DOCK3: variants seen among roughly 807,000 people sequenced by gnomAD.
DOCK3 encodes dedicator of cytokinesis protein 3.
In DOCK3, 60 loss-of-function variants were observed where a neutral mutation model predicts 265.6. The observed-to-expected ratio is 0.23, with a 90% confidence interval of 0.18 to 0.28. DOCK3 has a LOEUF of 0.28. Ranked by LOEUF, DOCK3 falls within the 10% of genes least tolerant of loss-of-function variation. The probability of loss-of-function intolerance (pLI) is 1.00; values close to 1 mark genes in which losing one functional copy is unlikely to be tolerated. For synonymous variants in DOCK3, 881 were observed against 938.0 expected, an observed-to-expected ratio of 0.94 and a Z score of 1.11; for missense variants, 1,981 against 2,594.3, an observed-to-expected ratio of 0.76 and a Z score of 5.14.
At chr3:50,995,864 C>T (rs2078261741) in intron 5 of DOCK3, among the ~76,000 whole-genome samples, 1 of 152,078 alleles carries the variant, frequency 6.6e-6, no homozygotes, top group Non-Finnish European at 1.5e-5. Context: ...TTTATTTAGC[C>T]ACTTATTCTG....
rs969094170 is a variant in DOCK3, at chr3:51,146,725, A to G, written c.828+95A>G. The G allele has an allele frequency of 3.2e-5, 36 of 1,111,332 alleles. No individual in the cohort carries two copies. The Admixed American group carries it at 3.8e-4, about 12-fold the overall frequency. The allele number at this position is 1,111,332 out of a possible 1,614,324, so 68.8% of individuals were successfully genotyped here. ...ACCCTGGAAACAAGCATTTAGTCTTATTTCCATATACACTGGGGAGAATAG... is the reference window on the plus strand; with the variant it reads ...ACCCTGGAAACAAGCATTTAGTCTTGTTTCCATATACACTGGGGAGAATAG... On this transcript the variant is annotated intron_variant, in intron 10 of 52. Coordinates refer to ENST00000266037, the MANE Select transcript of DOCK3 (RefSeq NM_004947.5).
chr3:50,939,653 G>T (rs2051587549), intron 5 of DOCK3, among the ~76,000 whole-genome samples: 1 of 152,048 alleles, frequency 6.6e-6, no homozygotes, highest in Non-Finnish European at 1.5e-5. Context: ...GTTGATTCAG[G>T]AAAGTATTTT....
chr3:51,346,194 G>A (rs576632337), intron 38 of DOCK3, among the ~76,000 whole-genome samples: 6 of 152,194 alleles, frequency 3.9e-5, no homozygotes, highest in Non-Finnish European at 8.8e-5. Flanking sequence ...ACAATGTGCA[G>A]GTTTGTTACA....
chr3:51,138,230 C>T (rs1467886527), intron 9 of DOCK3, among the ~76,000 whole-genome samples: 2 of 152,076 alleles, frequency 1.3e-5, no homozygotes, highest in Admixed American at 6.6e-5. Context: ...ATCATGGGAA[C>T]ATTGGATAGA....
chr3:51,156,020 A>C (rs1318638964), intron 10 of DOCK3, among the ~76,000 whole-genome samples: 1 of 152,144 alleles, frequency 6.6e-6, no homozygotes, highest in African/African-American at 2.4e-5. Flanking sequence ...ATATTTATTT[A>C]TACTCTTCTA....
At chr3:51,261,293 C>G (rs552683547) in intron 23 of DOCK3, among the ~76,000 whole-genome samples, 1 of 152,120 alleles carries the variant, frequency 6.6e-6, no homozygotes, top group South Asian at 2.1e-4. Context: ...GGCGTCGCCT[C>G]ACCTTGGAAG....
intron 27 of DOCK3, among the ~76,000 whole-genome samples, chr3:51,287,389 A>T (rs1262637479): frequency 6.6e-6 from 1 of 152,218 alleles, no homozygotes; most frequent in South Asian, 2.1e-4. Flanking sequence ...TCTTGACAAA[A>T]AAAATAAAAT....
chr3:51,047,911 G>A (rs1240035382), intron 5 of DOCK3, among the ~76,000 whole-genome samples: 5 of 151,970 alleles, frequency 3.3e-5, no homozygotes, highest in African/African-American at 9.7e-5. Flanking sequence ...TATTACCAAA[G>A]CGAGACAAAG....
intron 4 of DOCK3, among the ~76,000 whole-genome samples, chr3:50,928,216 A>G (rs756593639): frequency 6.6e-6 from 1 of 151,232 alleles, no homozygotes; most frequent in East Asian, 1.9e-4. Flanking sequence ...TACATTCACA[A>G]TGTTGTGCAG....
intron 32 of DOCK3, among the ~76,000 whole-genome samples, chr3:51,315,579 G>A (rs1249781451): frequency 6.6e-6 from 1 of 152,096 alleles, no homozygotes; most frequent in Non-Finnish European, 1.5e-5. Flanking sequence ...CAGGCCCCTT[G>A]GCTTCCAACT....
intron 3 of DOCK3, among the ~76,000 whole-genome samples, chr3:50,847,320 A>G (rs2675780): frequency 0.98 from 149,211 of 152,296 alleles, 73,181 homozygotes; most frequent in Middle Eastern, 1. Flanking sequence ...TTTTTATTCC[A>G]TTGTGACCTG....
At chr3:50,889,460 GTTTT>G (rs566025782) in intron 3 of DOCK3, among the ~76,000 whole-genome samples, 1 of 140,036 alleles carries the variant, frequency 7.1e-6, no homozygotes. Flanking sequence ...AACTGATGTG[GTTTT>G]TTTTTTTTTT....
At position 50,970,889 on chromosome 3, in the gene DOCK3, TTTTATATATATATATATA is replaced by T. The variant is rs1490536180; in HGVS notation, c.315+36814_315+36831del. 2.7e-3 allele frequency among the ~76,000 whole-genome samples: 118 copies of T among 42,928 alleles called. 6 individuals carry two copies. Among genetic ancestry groups the T allele is most frequent in the East Asian group, 6.3e-3 (7 of 1,114 alleles). The allele number at this position is 42,928 out of a possible 152,430, so 28.2% of individuals were successfully genotyped here. ...GCACATACTACCACACTCATCTAAT[TTTTATATATATATATATA>T]TATATATATATATATATATATATAT... is the stretch of plus-strand genomic sequence containing the variant. On this transcript the variant is annotated intron_variant, in intron 5 of 52. Coordinates refer to ENST00000266037, the MANE Select transcript of DOCK3 (RefSeq NM_004947.5).
rs185149714 is a variant in DOCK3, at chr3:50,715,263, G to A, written c.37+39963G>A. ...GAGTTGGGGCTTGAAAAATGAGTAGGTAGGCCAGGCGTGGTGGCGGCTCAT... is the reference window on the plus strand; with the variant it reads ...GAGTTGGGGCTTGAAAAATGAGTAGATAGGCCAGGCGTGGTGGCGGCTCAT... On this transcript the variant is annotated intron_variant, in intron 1 of 52. Coordinates refer to ENST00000266037, the MANE Select transcript of DOCK3 (RefSeq NM_004947.5). 2.8e-3 allele frequency among the ~76,000 whole-genome samples: 421 copies of A among 152,284 alleles called. 6 individuals are homozygous for A. Among genetic ancestry groups the A allele is most frequent in the African/African-American group, 9.2e-3 (384 of 41,564 alleles).
chr3:50,905,990 C>T (rs1299976181), intron 4 of DOCK3, among the ~76,000 whole-genome samples: 1 of 152,008 alleles, frequency 6.6e-6, no homozygotes, highest in Non-Finnish European at 1.5e-5. Flanking sequence ...TGAATTTTGT[C>T]AAAGGCCTTT....
At chr3:50,832,314 T>C (rs1407337633) in intron 2 of DOCK3, among the ~76,000 whole-genome samples, 1 of 152,192 alleles carries the variant, frequency 6.6e-6, no homozygotes, top group Non-Finnish European at 1.5e-5. Flanking sequence ...AAAGACTTCA[T>C]GACTAAAACA....
intron 1 of DOCK3, among the ~76,000 whole-genome samples, chr3:50,698,517 G>GTTTTTTTTTTTTTTGTTTT (rs2035797789): frequency 5.1e-5 from 1 of 19,506 alleles, no homozygotes; most frequent in Non-Finnish European, 1.2e-4. Context: ...TATGTTTTTG[G>GTTTTTTTTTTTTTTGTTTT]TTTTTTTTTT....
At chr3:50,711,928 A>G (rs956111215) in intron 1 of DOCK3, among the ~76,000 whole-genome samples, 2 of 152,062 alleles carry the variant, frequency 1.3e-5, no homozygotes, top group African/African-American at 2.4e-5. Context: ...GAATTTGTCC[A>G]TTTCACGTAA....
chr3:50,930,531 C>T (rs953976597), intron 4 of DOCK3, among the ~76,000 whole-genome samples: 3 of 152,218 alleles, frequency 2.0e-5, no homozygotes, highest in Admixed American at 6.5e-5. Flanking sequence ...CACTCCCTCA[C>T]AGCCTGGGCC....
Sources: gnomAD v4.1 joint callset for allele counts (sites outside exome capture counted in the v4.1 genomes callset) on GRCh38, gnomAD v4.1.1 for gene constraint, MANE v1.5 for transcripts, NCBI Gene and HGNC (gene_info 2026-07-23, HGNC 2026-07-21) for gene names.